The following NCAM2 variants were observed in gnomAD, a reference collection of about 807,000 sequenced individuals.
NCAM2 encodes neural cell adhesion molecule 2, also known as N-CAM-2.
A neutral mutation model predicts 98.1 loss-of-function variants in NCAM2; 30 were observed. The observed-to-expected ratio is 0.31, with a 90% CI of 0.23 to 0.41. NCAM2 has a LOEUF of 0.41. NCAM2 is among the 10% of genes least tolerant of loss of function. The pLI is 1.00. For synonymous variants in NCAM2, 368 were observed against 342.4 expected (o/e 1.07, Z -0.83); for missense variants, 867 against 1,005.8 (o/e 0.86, Z 1.87).
intron 1 of NCAM2, among the ~76,000 whole-genome samples, chr21:21,027,599 C>A (rs557099346): frequency 6.6e-6 from 1 of 152,220 alleles, no homozygotes; most frequent in East Asian, 1.9e-4. Flanking sequence ...TAGACTATAG[C>A]TTAATTTCAA....
chr21:21,366,434 C>G (rs999761274), intron 8 of NCAM2, among the ~76,000 whole-genome samples: 4 of 152,052 alleles, frequency 2.6e-5, no homozygotes, highest in Admixed American at 2.6e-4. Context: ...CCTGCCTAAT[C>G]TTATTTAATT....
At chr21:21,061,973 G>C (rs1223047884) in intron 1 of NCAM2, among the ~76,000 whole-genome samples, 1 of 152,072 alleles carries the variant, frequency 6.6e-6, no homozygotes, top group Non-Finnish European at 1.5e-5. Flanking sequence ...GGGTAGCATA[G>C]AATTGACTTT....
rs1304604407 is a variant in NCAM2, at chr21:21,209,730, G to A, written c.56-70848G>A. Among the ~76,000 whole-genome samples, 8 of 152,248 alleles carry A rather than the reference G, an allele frequency of 5.3e-5. No homozygotes were observed. In the South Asian group the frequency reaches 8.3e-4, roughly 16 times the overall value. On this transcript the variant is annotated intron_variant, in intron 1 of 17. Transcript: ENST00000400546. ...TGTGTTAAAAAATTAAAAGATACGT[G>A]TGTTCTACACATAAGATGGAATATA... is the stretch of plus-strand genomic sequence containing the variant.
chr21:21,338,099 G>A (rs1194686383), intron 7 of NCAM2, among the ~76,000 whole-genome samples: 1 of 152,062 alleles, frequency 6.6e-6, no homozygotes, highest in East Asian at 1.9e-4. Flanking sequence ...ATCATGAGAT[G>A]ACTTTTAAAT....
chr21:21,501,260 A>C (rs1289315467), intron 15 of NCAM2, among the ~76,000 whole-genome samples: 2 of 152,014 alleles, frequency 1.3e-5, no homozygotes, highest in Admixed American at 1.3e-4. Flanking sequence ...CAGAAATGTT[A>C]ATTGGTTTTT....
intron 12 of NCAM2, among the ~76,000 whole-genome samples, chr21:21,441,208 A>C (rs1161063436): frequency 6.6e-6 from 1 of 152,176 alleles, no homozygotes; most frequent in African/African-American, 2.4e-5. Flanking sequence ...CATGTCTACA[A>C]AACTAAAAGA....
At chr21:21,404,633 G>GTA (rs2076699749) in intron 9 of NCAM2, among the ~76,000 whole-genome samples, 1 of 151,742 alleles carries the variant, frequency 6.6e-6, no homozygotes, top group Non-Finnish European at 1.5e-5. Context: ...GTATATGAGT[G>GTA]TATATATGTA....
chr21:21,161,264 T>A (rs1346617050), intron 1 of NCAM2, among the ~76,000 whole-genome samples: 2 of 151,930 alleles, frequency 1.3e-5, no homozygotes, highest in Non-Finnish European at 2.9e-5. Context: ...AGATAAAAAA[T>A]TTTAAGACGG....
At chr21:21,447,005 C>T (rs1980268314) in intron 12 of NCAM2, among the ~76,000 whole-genome samples, 2 of 152,052 alleles carry the variant, frequency 1.3e-5, no homozygotes. Context: ...CAATGCTATT[C>T]CCATCAAACT....
At chr21:21,088,719 G>A (rs961623537) in intron 1 of NCAM2, among the ~76,000 whole-genome samples, 3 of 152,132 alleles carry the variant, frequency 2.0e-5, no homozygotes, top group Admixed American at 1.3e-4. Flanking sequence ...GGGGCTAGGA[G>A]CGGTGGCTCA....
At chr21:21,275,391 G>A (rs975515637) in intron 1 of NCAM2, among the ~76,000 whole-genome samples, 2 of 151,660 alleles carry the variant, frequency 1.3e-5, no homozygotes, top group Admixed American at 6.6e-5. Context: ...AGTGAGCTGA[G>A]ATCATGCCAC....
rs181889803 is a variant in NCAM2 at position 21,182,338 on chromosome 21, A to G, written c.56-98240A>G. Among the ~76,000 whole-genome samples, 636 of 152,292 alleles carry G rather than the reference A, an allele frequency of 4.2e-3. 8 individuals carry two copies. Among genetic ancestry groups the G allele is most frequent in the African/African-American group, 0.015 (611 of 41,566 alleles). Reference sequence around the variant, plus strand: ...TCATTGGCACATCTCACACAGTGTAAGAGGCAAACATCTCTACCATGAATT... The same window carrying G: ...TCATTGGCACATCTCACACAGTGTAGGAGGCAAACATCTCTACCATGAATT... On this transcript the variant is annotated intron_variant, in intron 1 of 17. Transcript: ENST00000400546.
At chr21:21,321,059 G>A (rs1259490210) in intron 5 of NCAM2, among the ~76,000 whole-genome samples, 2 of 152,108 alleles carry the variant, frequency 1.3e-5, no homozygotes, top group African/African-American at 4.8e-5. Context: ...AATAACTTTG[G>A]TGTTAATCTG....
chr21:21,487,962 T>C (rs2146299176), intron 15 of NCAM2, among the ~76,000 whole-genome samples: 1 of 152,288 alleles, frequency 6.6e-6, no homozygotes, highest in East Asian at 1.9e-4. Context: ...ATAAACTCTA[T>C]ATTCATATTA....
At chr21:21,070,466 A>G (rs1010077908) in intron 1 of NCAM2, among the ~76,000 whole-genome samples, 1 of 152,120 alleles carries the variant, frequency 6.6e-6, no homozygotes, top group Non-Finnish European at 1.5e-5. Context: ...CAGCAGTGAT[A>G]AAAGGGTAGA....
chr21:21,541,026 C>G lies in NCAM2; in HGVS notation c.*3069C>G, dbSNP rs1273924237. 4.0e-5 allele frequency: 6 copies of G among 151,714 alleles called. No individual in the cohort carries two copies. The South Asian group carries it at 1.2e-3, about 31-fold the overall frequency. The allele number at this position is 151,714 out of a possible 1,614,324, so 9.4% of individuals were successfully genotyped here. ...TTTCTTTTATTTTTAATATTAATAA[C>G]TATAAAAGCATTTTTCAAAGGCTAT... On this transcript the variant is annotated 3_prime_UTR_variant, in exon 18 of 18. Coordinates refer to ENST00000400546, the MANE Select transcript of NCAM2 (RefSeq NM_004540.5).
chr21:21,033,019 A>T (rs1384395887), intron 1 of NCAM2, among the ~76,000 whole-genome samples: 3 of 151,694 alleles, frequency 2.0e-5, no homozygotes, highest in East Asian at 3.9e-4. Context: ...ATCTCGGCTA[A>T]CTGCAACCTC....
At chr21:21,019,409 G>A (rs565799428) in intron 1 of NCAM2, among the ~76,000 whole-genome samples, 5 of 152,158 alleles carry the variant, frequency 3.3e-5, no homozygotes, top group African/African-American at 4.8e-5. Flanking sequence ...TAAACAGCAC[G>A]GAGTTTGAGA....
chr21:21,016,295 C>T (rs897950900), intron 1 of NCAM2, among the ~76,000 whole-genome samples: 16 of 152,094 alleles, frequency 1.1e-4, no homozygotes, highest in African/African-American at 2.7e-4. Context: ...ATATGTCTGC[C>T]GCAGGAATGT....
Sources: allele counts gnomAD v4.1 joint callset (sites outside exome capture counted in the v4.1 genomes callset), GRCh38; gene constraint gnomAD v4.1.1; transcripts MANE v1.5; gene names NCBI Gene and HGNC (gene_info 2026-07-23, HGNC 2026-07-21).